The following LAMP2 variants were observed in gnomAD, a reference collection of about 807,000 sequenced individuals.
LAMP2 encodes lysosome-associated membrane glycoprotein 2.
A neutral mutation model predicts 25.6 loss-of-function variants in LAMP2; 4 were observed. The ratio of observed to expected loss-of-function variants is 0.16; its 90% CI spans 0.08 to 0.36. LAMP2 has a LOEUF of 0.36. Ranked by LOEUF, LAMP2 falls within the 10% of genes least tolerant of loss-of-function variation. LAMP2 has a pLI of 1.00. For synonymous variants in LAMP2, 108 were observed against 112.7 expected, an observed-to-expected ratio of 0.96 and a Z score of 0.27; for missense variants, 272 against 301.4, an observed-to-expected ratio of 0.90 and a Z score of 0.72.
At chrX:120,457,735 T>C (rs747333670) in intron 1 of LAMP2, among the ~76,000 whole-genome samples, 19 of 112,492 alleles carry the variant, frequency 1.7e-4, no homozygotes, top group Non-Finnish European at 3.0e-4. Flanking sequence ...AGCATAAATA[T>C]TGGGCAACCA....
chrX:120,443,896 G>A (rs935925611), intron 6 of LAMP2, among the ~76,000 whole-genome samples: 9 of 110,580 alleles, frequency 8.1e-5, no homozygotes, highest in Non-Finnish European at 1.5e-4. Flanking sequence ...CAGGAGAATC[G>A]CTTGAATCTG....
At chrX:120,443,219 T>C (rs1283928949) in intron 6 of LAMP2, among the ~76,000 whole-genome samples, 3 of 111,181 alleles carry the variant, frequency 2.7e-5, no homozygotes. Flanking sequence ...TGAGAAGTCA[T>C]GAAAATAGGA....
intron 8 of LAMP2, among the ~76,000 whole-genome samples, chrX:120,431,810 T>C (rs895038694): frequency 8.9e-6 from 1 of 112,334 alleles, no homozygotes; most frequent in African/African-American, 3.2e-5. Context: ...CAAACTGTTA[T>C]GATGTCGAAG....
intron 3 of LAMP2, among the ~76,000 whole-genome samples, chrX:120,449,912 T>C (rs145561553): frequency 1.8e-5 from 2 of 111,088 alleles, no homozygotes; most frequent in East Asian, 5.7e-4. Context: ...TAAGGGAGGG[T>C]TGCCTAAACT....
At position 120,443,472 on chromosome X, in the gene LAMP2, A is replaced by G. The variant is rs144015374; in HGVS notation, c.865-810T>C. The stretch of plus-strand genomic sequence containing the variant: ...ACATATGATGCTTCGCTGAGTAAGT[A>G]CAACACTCCTATGCAATAGGTGCTG... On this transcript the variant is annotated intron_variant, in intron 6 of 8. Coordinates refer to ENST00000200639, the MANE Select transcript of LAMP2 (RefSeq NM_002294.3). Among the ~76,000 whole-genome samples, 807 of 112,298 alleles carry G rather than the reference A, an allele frequency of 7.2e-3. 4 individuals carry two copies. Among genetic ancestry groups the G allele is most frequent in the Non-Finnish European group, 0.011 (600 of 53,274 alleles).
At chrX:120,454,362 T>G in intron 3 of LAMP2, among the ~76,000 whole-genome samples, 1 of 111,457 alleles carries the variant, frequency 9.0e-6, no homozygotes, top group African/African-American at 3.3e-5. Flanking sequence ...TAATCATCAT[T>G]TACTTTTCAA....
At chrX:120,467,473 T>C (rs931994419) in intron 1 of LAMP2, among the ~76,000 whole-genome samples, 5 of 112,019 alleles carry the variant, frequency 4.5e-5, no homozygotes, top group Non-Finnish European at 5.6e-5. Context: ...AGGGTGTTGA[T>C]TTCATTCTAC....
At chrX:120,442,228 CAAAAAAA>C (rs1157951288) in intron 7 of LAMP2, among the ~76,000 whole-genome samples, 1 of 29,678 alleles carries the variant, frequency 3.4e-5, no homozygotes, top group African/African-American at 1.3e-4. Flanking sequence ...GACCCTGTCT[CAAAAAAA>C]AAAAAAAAAA....
chrX:120,465,288 A>T (rs1921486497), intron 1 of LAMP2, among the ~76,000 whole-genome samples: 2 of 105,607 alleles, frequency 1.9e-5, no homozygotes, highest in Admixed American at 2.1e-4. Flanking sequence ...AAAAGCCTCA[A>T]ACCTAAAAAA....
At position 120,448,019 on chromosome X, in the gene LAMP2, A is replaced by G. The variant is rs1373205750; in HGVS notation, c.563T>C (p.Leu188Pro). Residue 188 changes from leucine to proline, a missense_variant, in exon 5 of 9, where the codon CTG becomes CCG. Coordinates refer to ENST00000200639, the MANE Select transcript of LAMP2 (RefSeq NM_002294.3). Reference sequence around the variant, plus strand: ...TGTTGAAGTTTTGTCTTTATCACACAGGAACTCTAAAACAAGCGAAAAGGG... The same window carrying G: ...TGTTGAAGTTTTGTCTTTATCACACGGGAACTCTAAAACAAGCGAAAAGGG... ...QNGTVSTNEF[L>P]CDKDKTSTVA... The G allele has an allele frequency of 8.3e-7, 1 of 1,209,445 alleles. No homozygotes were observed. Among genetic ancestry groups the G allele is most frequent in the South Asian group, 1.8e-5 (1 of 56,928 alleles).
intron 2 of LAMP2, among the ~76,000 whole-genome samples, chrX:120,456,064 G>A (rs1349814214): frequency 2.0e-5 from 2 of 101,242 alleles, no homozygotes; most frequent in Non-Finnish European, 4.0e-5. Flanking sequence ...ATAGAGTCTC[G>A]CTCTGTTGCC....
At position 120,441,887 on chromosome X, in the gene LAMP2, G is replaced by A; in HGVS notation, c.936C>T (p.Ser312=). 8.3e-7 allele frequency: 1 copy of A among 1,208,598 alleles called. No homozygotes were observed. The highest frequency in any genetic ancestry group is 1.1e-6 in the Non-Finnish European group (1 of 892,862). Residue 312 remains serine (S), a synonymous_variant, in exon 8 of 9, where the codon AGC becomes AGT. Transcript: ENST00000200639. ...AGTAGCTGAGATTGTTATTTGCAAT[G>A]CTGAAAACTTCAAAGAAAAGAAACA... The part of the protein sequence containing the change: ...SMYLVNGSVF[S]IANNNLSYWD...
At chrX:120,441,596 T>C in intron 8 of LAMP2, 134 bp downstream of exon 8, 1 of 520,321 alleles carries the variant, frequency 1.9e-6, no homozygotes, top group East Asian at 3.5e-5. Context: ...GAGCCAAATA[T>C]AGAGTTGCAC....
At chrX:120,467,729 G>A (rs1458892006) in intron 1 of LAMP2, among the ~76,000 whole-genome samples, 2 of 111,818 alleles carry the variant, frequency 1.8e-5, no homozygotes, top group Non-Finnish European at 3.8e-5. Context: ...AACACAATCA[G>A]CGAACATTCA....
Position 120,430,593 on chromosome X carries a change from A to C in LAMP2, c.*730T>G. On this transcript the variant is annotated 3_prime_UTR_variant, in exon 9 of 9. Transcript: ENST00000200639. ...TGGCTAAATATGCTTGGATCTTTTC[A>C]GTCTATATTGCTGAAAAACAAACAA... 1 of 754,228 alleles carries C rather than the reference A, an allele frequency of 1.3e-6. No individual in the cohort carries two copies. Among genetic ancestry groups the C allele is most frequent in the Non-Finnish European group, 1.6e-6 (1 of 638,940 alleles). The allele number at this position is 754,228 out of a possible 1,213,427, so 62.2% of individuals were successfully genotyped here.
Position 120,447,867 on chromosome X carries a change from G to C in LAMP2, c.715C>G (p.Leu239Val), listed in dbSNP as rs730880481. 5 of 1,210,727 alleles carry C rather than the reference G, an allele frequency of 4.1e-6. No homozygotes were observed. The highest frequency in any genetic ancestry group is 5.6e-6 in the Non-Finnish European group (5 of 894,467). The change falls in exon 5 of 9, where the codon CTG (leucine) becomes GTG (valine). Residue 239 changes from leucine (L) to valine (V), a missense_variant. Physicochemically the swap from Leu to Val is conservative, Grantham distance 32 (BLOSUM62 1). Coordinates refer to ENST00000200639, the MANE Select transcript of LAMP2 (RefSeq NM_002294.3). ...TTATCCTGAGTGATGTTCAGCTGCA[G>C]CCCCATGGTAGCCAGCAGACAAGTA... ...NDTCLLATMG[L>V]QLNITQDKVA...
intron 6 of LAMP2, among the ~76,000 whole-genome samples, chrX:120,443,552 A>G (rs758034283): frequency 9.0e-6 from 1 of 111,405 alleles, no homozygotes; most frequent in Admixed American, 9.6e-5. Flanking sequence ...TATTATTACT[A>G]TGTTCTCCTA....
Position 120,431,342 on chromosome X carries a change from G to T in LAMP2, c.1214C>A (p.Ala405Asp), listed in dbSNP as rs1337951829. The T allele has an allele frequency of 8.3e-7, 1 of 1,208,274 alleles. No homozygotes were observed. Among genetic ancestry groups the T allele is most frequent in the African/African-American group, 1.7e-5 (1 of 57,275 alleles). Residue 405 changes from alanine to aspartate, a missense_variant, in exon 9 of 9, where the codon GCT becomes GAT. Coordinates refer to ENST00000200639, the MANE Select transcript of LAMP2 (RefSeq NM_002294.3). ...AYFIGLKHHH[A>D]GYEQF ...CAGATTCTAAAATTGCTCATATCCAGCATGATGGTGCTTGAGACCAATAAA... is the reference window on the plus strand; with the variant it reads ...CAGATTCTAAAATTGCTCATATCCATCATGATGGTGCTTGAGACCAATAAA...
chrX:120,455,026 T>C (rs1315982981), intron 3 of LAMP2, among the ~76,000 whole-genome samples: 2 of 100,838 alleles, frequency 2.0e-5, no homozygotes, highest in African/African-American at 7.1e-5. Flanking sequence ...TATATGTGTA[T>C]ATATATATAT....
Sources: gnomAD v4.1 joint callset for allele counts (sites outside exome capture counted in the v4.1 genomes callset) on GRCh38, gnomAD v4.1.1 for gene constraint, MANE v1.5 for transcripts, NCBI Gene and HGNC (gene_info 2026-07-23, HGNC 2026-07-21) for gene names.